Variants in CYFIP1 observed in about 807,000 individuals in gnomAD.
CYFIP1 encodes cytoplasmic FMR1 interacting protein 1.
Under a neutral mutation model 163.5 loss-of-function variants are expected in CYFIP1, and 58 were observed. That is an observed-to-expected ratio of 0.35 (90% CI 0.29 to 0.44). The LOEUF (loss-of-function observed/expected upper bound fraction) is 0.44, where lower values mean the gene tolerates loss of function less well. CYFIP1 is among the 20% of genes least tolerant of loss of function. CYFIP1 has a pLI of 1.00. For synonymous variants in CYFIP1, 663 were observed against 660.7 expected (o/e 1.00, Z -0.05); for missense variants, 1,338 against 1,653.8 (o/e 0.81, Z 3.31).
intron 9 of CYFIP1, among the ~76,000 whole-genome samples, chr15:22,935,836 T>A (rs952092332): frequency 6.6e-6 from 1 of 152,208 alleles, no homozygotes; most frequent in Non-Finnish European, 1.5e-5. Flanking sequence ...TAAATTAGCT[T>A]GAATTCATCA....
chr15:22,970,415 G>A (rs1006741644), intron 1 of CYFIP1, among the ~76,000 whole-genome samples: 1 of 152,128 alleles, frequency 6.6e-6, no homozygotes, highest in Non-Finnish European at 1.5e-5. Context: ...AATTCCAACA[G>A]CACTTTGTTT....
rs1595485389 is a variant in CYFIP1, at chr15:22,873,700, C to T, written c.3240G>A (p.Leu1080=). ...CGCAGCAGAGGCGCTCCTTTGTCAG[C>T]AGGTCCCCCTCTCTTGCGATGGCAA... ...QQIAIAREGD[L]LTKERLCCGL... The change falls in exon 29 of 31, where the codon CTG becomes CTA. Residue 1080 remains leucine, a synonymous_variant. Transcript: ENST00000617928. 1.9e-6 allele frequency: 3 copies of T among 1,613,750 alleles called. No individual in the cohort carries two copies. The highest frequency in any genetic ancestry group is 2.5e-6 in the Non-Finnish European group (3 of 1,179,728).
intron 22 of CYFIP1, among the ~76,000 whole-genome samples, chr15:22,894,875 A>T (rs960474029): frequency 1.7e-3 from 182 of 107,724 alleles, no homozygotes; most frequent in African/African-American, 5.4e-3. Flanking sequence ...ATATATATAT[A>T]TATTTTTTTT....
chr15:22,900,094 T>C (rs767022719), intron 22 of CYFIP1, among the ~76,000 whole-genome samples: 4 of 152,138 alleles, frequency 2.6e-5, no homozygotes, highest in African/African-American at 4.8e-5. Context: ...TGAAGTCTGC[T>C]GGAAAGAGGG....
intron 10 of CYFIP1, 82 bp downstream of exon 10, chr15:22,933,720 G>T: frequency 2.0e-6 from 2 of 1,004,710 alleles, no homozygotes; most frequent in Non-Finnish European, 3.1e-6. Context: ...GTTATCTCTA[G>T]ACAAATAAGC....
rs940632206 is a variant in CYFIP1, at chr15:22,868,911, C to T, written c.*1117G>A. On this transcript the variant is annotated 3_prime_UTR_variant, in exon 31 of 31. Coordinates refer to ENST00000617928, the MANE Select transcript of CYFIP1 (RefSeq NM_014608.6). ...ATCTGTAGTATTCATCTACAATAAA[C>T]AGGCATAGCATCTTTTTCCATTCAG... is the stretch of plus-strand genomic sequence containing the variant. 1 of 121,750 alleles carries T rather than the reference C, an allele frequency of 8.2e-6. No individual in the cohort carries two copies. Among genetic ancestry groups the T allele is most frequent in the East Asian group, 2.2e-4 (1 of 4,554 alleles). The allele number at this position is 121,750 out of a possible 1,614,324, so 7.5% of individuals were successfully genotyped here.
intron 24 of CYFIP1, 50 bp downstream of exon 24, chr15:22,882,818 C>A (rs759969341): frequency 6.3e-7 from 1 of 1,584,820 alleles, no homozygotes; most frequent in Non-Finnish European, 8.6e-7. Context: ...GGCATGGGTG[C>A]CCCAGGGAAT....
intron 13 of CYFIP1, among the ~76,000 whole-genome samples, chr15:22,919,150 G>A (rs970145397): frequency 1.2e-4 from 19 of 152,064 alleles, no homozygotes; most frequent in Non-Finnish European, 1.9e-4. Context: ...AATTCAAATA[G>A]GAAAGAAGAA....
chr15:22,951,407 C>T lies in CYFIP1; in HGVS notation c.-6-4116G>A, dbSNP rs779187022. 66 of 1,288,972 alleles carry T rather than the reference C, an allele frequency of 5.1e-5. 1 individual carries two copies. The highest frequency in any genetic ancestry group is 6.1e-5 in the Non-Finnish European group (60 of 988,494). 79.8% of individuals were successfully genotyped at this position (1,288,972 alleles called of 1,614,324 possible). ...GCCGGGTGGGTGCAGGGTCCAGCCC[C>T]AGCGCTGCCTGCAGAGCCAGCATGG... is the stretch of plus-strand genomic sequence containing the variant. On this transcript the variant is annotated intron_variant, in intron 1 of 30. Coordinates refer to ENST00000617928, the MANE Select transcript of CYFIP1 (RefSeq NM_014608.6).
chr15:22,909,705 A>T (rs965420283), intron 20 of CYFIP1, among the ~76,000 whole-genome samples: 3 of 152,178 alleles, frequency 2.0e-5, no homozygotes, highest in Non-Finnish European at 4.4e-5. Flanking sequence ...GTGTAATGTA[A>T]CATCACTTTT....
intron 13 of CYFIP1, among the ~76,000 whole-genome samples, chr15:22,920,505 G>A (rs939219504): frequency 1.3e-5 from 2 of 151,798 alleles, no homozygotes; most frequent in South Asian, 2.1e-4. Context: ...AAATGAAGAC[G>A]TGTCTGACAA....
At chr15:22,884,545 T>A (rs1231698065) in intron 23 of CYFIP1, among the ~76,000 whole-genome samples, 1 of 152,216 alleles carries the variant, frequency 6.6e-6, no homozygotes, top group African/African-American at 2.4e-5. Flanking sequence ...CCTGTGGCTT[T>A]GCAGGGTACA....
At chr15:22,884,562 C>T (rs1248374047) in intron 23 of CYFIP1, among the ~76,000 whole-genome samples, 2 of 152,228 alleles carry the variant, frequency 1.3e-5, no homozygotes, top group Non-Finnish European at 2.9e-5. Context: ...TACAGTCCCC[C>T]TCCTGGCTGT....
At chr15:22,948,113 C>T in intron 1 of CYFIP1, 1 of 387,742 alleles carries the variant, frequency 2.6e-6, no homozygotes, top group Non-Finnish European at 3.5e-6. Flanking sequence ...CTGGCGCAGG[C>T]ATGGAGGTGC....
chr15:22,968,163 A>C (rs2062974215), intron 1 of CYFIP1, among the ~76,000 whole-genome samples: 1 of 152,146 alleles, frequency 6.6e-6, no homozygotes, highest in Non-Finnish European at 1.5e-5. Flanking sequence ...ATAAAAATAA[A>C]ACGCAAATTA....
chr15:22,930,940 T>G (rs929347938), intron 11 of CYFIP1, among the ~76,000 whole-genome samples: 1 of 152,156 alleles, frequency 6.6e-6, no homozygotes, highest in Non-Finnish European at 1.5e-5. Context: ...GGCCTCCCAC[T>G]CGCTCGCCAC....
intron 22 of CYFIP1, among the ~76,000 whole-genome samples, chr15:22,897,483 T>C (rs2060273946): frequency 6.6e-6 from 1 of 151,176 alleles, no homozygotes; most frequent in African/African-American, 2.4e-5. Flanking sequence ...GGGTTGTTTT[T>C]TTTTTTTGTT....
At chr15:22,883,480 C>T (rs2059830606) in intron 23 of CYFIP1, among the ~76,000 whole-genome samples, 1 of 152,090 alleles carries the variant, frequency 6.6e-6, no homozygotes, top group Non-Finnish European at 1.5e-5. Flanking sequence ...CGTTTTCACA[C>T]TGCTATAGAG....
At chr15:22,946,910 C>A in intron 3 of CYFIP1, 93 bp downstream of exon 3, 7 of 1,042,944 alleles carry the variant, frequency 6.7e-6, no homozygotes, top group Non-Finnish European at 1.1e-5. Context: ...TTCCTCACTG[C>A]ATAGTCTATT....
Sources: gnomAD v4.1 joint callset for allele counts (sites outside exome capture counted in the v4.1 genomes callset) on GRCh38, gnomAD v4.1.1 for gene constraint, MANE v1.5 for transcripts, NCBI Gene and HGNC (gene_info 2026-07-23, HGNC 2026-07-21) for gene names.